Variants in AFF3 observed in about 807,000 individuals in gnomAD.
The protein encoded by AFF3 is AF4/FMR2 family member 3.
A neutral mutation model predicts 129.7 loss-of-function variants in AFF3; 32 were observed. The observed-to-expected ratio is 0.25, with a 90% confidence interval of 0.19 to 0.33. The LOEUF (loss-of-function observed/expected upper bound fraction) is 0.33, where lower values mean the gene tolerates loss of function less well. Among genes scored for constraint, AFF3 ranks in the 10% least tolerant of loss-of-function variants. The pLI, the probability that AFF3 is intolerant of heterozygous loss-of-function variation, is 1.00. For missense variants in AFF3, 1,373 were observed against 1,592.0 expected (o/e 0.86, Z 2.34); for synonymous variants, 644 against 635.4 (o/e 1.01, Z -0.20).
intron 7 of AFF3, among the ~76,000 whole-genome samples, chr2:99,923,646 C>T (rs1696021546): frequency 6.6e-6 from 1 of 152,034 alleles, no homozygotes; most frequent in African/African-American, 2.4e-5. Flanking sequence ...TTCAAAATGG[C>T]AAATGAACAT....
chr2:99,739,753 G>C (rs1337675097), intron 10 of AFF3, among the ~76,000 whole-genome samples: 6 of 151,882 alleles, frequency 4.0e-5, no homozygotes, highest in Admixed American at 2.0e-4. Context: ...AATCCACACA[G>C]ATATTTTGTT....
intron 11 of AFF3, among the ~76,000 whole-genome samples, chr2:99,696,158 A>G (rs1436741633): frequency 6.6e-6 from 1 of 151,930 alleles, no homozygotes; most frequent in African/African-American, 2.4e-5. Context: ...AGGGGTGCAG[A>G]TAAAATTCTC....
intron 7 of AFF3, among the ~76,000 whole-genome samples, chr2:99,993,958 A>T (rs1339486849): frequency 6.6e-6 from 1 of 150,718 alleles, no homozygotes; most frequent in East Asian, 2.0e-4. Flanking sequence ...GGCGCCCACC[A>T]CCATGCCCGG....
At chr2:99,733,310 G>A (rs1309789803) in intron 10 of AFF3, among the ~76,000 whole-genome samples, 1 of 150,904 alleles carries the variant, frequency 6.6e-6, no homozygotes, top group East Asian at 1.9e-4. Context: ...AACCTGGGAG[G>A]TGGAGGTTGC....
chr2:99,610,116 C>A (rs1484566771), intron 13 of AFF3, among the ~76,000 whole-genome samples: 3 of 152,130 alleles, frequency 2.0e-5, no homozygotes, highest in Admixed American at 2.0e-4. Context: ...TGTAACTTTC[C>A]ACTGCTTACC....
intron 2 of AFF3, among the ~76,000 whole-genome samples, chr2:100,114,009 T>C (rs1691627872): frequency 6.6e-6 from 1 of 152,118 alleles, no homozygotes; most frequent in African/African-American, 2.4e-5. Context: ...GTATTGATGT[T>C]GTAAAAACAT....
At chr2:99,606,104 A>T (rs956828171) in intron 13 of AFF3, among the ~76,000 whole-genome samples, 2 of 152,088 alleles carry the variant, frequency 1.3e-5, no homozygotes, top group African/African-American at 4.8e-5. Flanking sequence ...GCATAGTGAA[A>T]CCCTGTCTCT....
chr2:99,675,610 G>A (rs1288619164), intron 11 of AFF3, among the ~76,000 whole-genome samples: 1 of 152,220 alleles, frequency 6.6e-6, no homozygotes, highest in Admixed American at 6.5e-5. Context: ...CATGTTGAAT[G>A]CTGAACATAT....
intron 18 of AFF3, among the ~76,000 whole-genome samples, chr2:99,571,433 C>T (rs951232041): frequency 9.9e-5 from 15 of 152,168 alleles, no homozygotes; most frequent in African/African-American, 3.6e-4. Context: ...CAGTGGCTCA[C>T]AATTCCTAAT....
chr2:99,551,284 T>C lies in AFF3; in HGVS notation c.*190A>G. 1 of 722,032 alleles carries C rather than the reference T, an allele frequency of 1.4e-6. No homozygotes were observed. The highest frequency in any genetic ancestry group is 2.2e-6 in the Non-Finnish European group (1 of 448,028). 44.7% of individuals were successfully genotyped at this position (722,032 alleles called of 1,614,324 possible). A position where few individuals can be genotyped will look rare whatever the true frequency, so the allele number is the denominator to read the frequency against. On this transcript the variant is annotated 3_prime_UTR_variant, in exon 25 of 25. Transcript: ENST00000672756. ...TGAAGAGCTGTGTATCTTACACACA[T>C]ACACAGGCGGCTTCTTATATACCCA...
intron 8 of AFF3, among the ~76,000 whole-genome samples, chr2:99,755,407 A>T (rs1176974082): frequency 6.6e-6 from 1 of 151,636 alleles, no homozygotes; most frequent in East Asian, 1.9e-4. Context: ...AGCTGGGATT[A>T]CAGGCATGCG....
intron 4 of AFF3, among the ~76,000 whole-genome samples, chr2:100,059,013 G>A (rs1476142136): frequency 2.6e-5 from 4 of 152,068 alleles, no homozygotes; most frequent in African/African-American, 9.7e-5. Context: ...AGCACTTTGG[G>A]AGGCCAAGGG....
intron 4 of AFF3, among the ~76,000 whole-genome samples, chr2:100,010,953 T>C (rs1278359998): frequency 6.6e-6 from 1 of 152,146 alleles, no homozygotes; most frequent in Admixed American, 6.5e-5. Context: ...CTTCTAGCTT[T>C]TGGAACAATA....
intron 11 of AFF3, among the ~76,000 whole-genome samples, chr2:99,712,726 T>C (rs1229267848): frequency 6.6e-6 from 1 of 152,158 alleles, no homozygotes; most frequent in Non-Finnish European, 1.5e-5. Context: ...TCATAAAGTT[T>C]TGAGGTGGGT....
intron 10 of AFF3, among the ~76,000 whole-genome samples, chr2:99,733,655 G>A (rs1049529743): frequency 4.6e-5 from 7 of 151,884 alleles, no homozygotes; most frequent in South Asian, 2.1e-4. Context: ...GTTAAGTTTC[G>A]TTTTTCTCCC....
At chr2:99,846,459 C>A (rs1689734614) in intron 7 of AFF3, among the ~76,000 whole-genome samples, 2 of 152,212 alleles carry the variant, frequency 1.3e-5, no homozygotes, top group Admixed American at 6.5e-5. Flanking sequence ...TATACAATTC[C>A]ATTTATATGA....
intron 13 of AFF3, among the ~76,000 whole-genome samples, chr2:99,645,162 C>T (rs1684582064): frequency 6.6e-6 from 1 of 152,066 alleles, no homozygotes; most frequent in African/African-American, 2.4e-5. Context: ...TGGTGAAGCC[C>T]CCCCTCTACG....
At chr2:99,684,854 A>C (rs1225349999) in intron 11 of AFF3, among the ~76,000 whole-genome samples, 1 of 152,158 alleles carries the variant, frequency 6.6e-6, no homozygotes, top group Non-Finnish European at 1.5e-5. Flanking sequence ...TTTTCATTAT[A>C]AAATGAATCC....
chr2:99,780,116 T>A (rs947559126), intron 8 of AFF3, among the ~76,000 whole-genome samples: 1 of 152,168 alleles, frequency 6.6e-6, no homozygotes, highest in African/African-American at 2.4e-5. Flanking sequence ...TTATCTCCCA[T>A]CTCCAAACAC....
Sources: gnomAD v4.1 joint callset for allele counts (sites outside exome capture counted in the v4.1 genomes callset) on GRCh38, gnomAD v4.1.1 for gene constraint, MANE v1.5 for transcripts, NCBI Gene and HGNC (gene_info 2026-07-23, HGNC 2026-07-21) for gene names.